The following EYS variants were observed in gnomAD, a reference collection of about 807,000 sequenced individuals.
EYS encodes the protein protein eyes shut homolog.
A neutral mutation model predicts 282.1 loss-of-function variants in EYS; 250 were observed. That is an observed-to-expected ratio of 0.89 (90% confidence interval 0.80 to 0.98). The LOEUF is 0.98. Among genes scored for constraint, EYS ranks in the 50% least tolerant of loss-of-function variants. The pLI, the probability that EYS is intolerant of heterozygous loss-of-function variation, is 0.00. For synonymous variants in EYS, 1,355 were observed against 1,282.9 expected (o/e 1.06, Z -1.20); for missense variants, 4,016 against 3,709.0 (o/e 1.08, Z -2.15).
intron 22 of EYS, among the ~76,000 whole-genome samples, chr6:64,659,092 C>T (rs543741448): frequency 7.4e-4 from 112 of 151,986 alleles, no homozygotes; most frequent in African/African-American, 2.2e-3. Flanking sequence ...CACTCAAAAC[C>T]GCTCAACTAC....
At chr6:64,351,822 C>G (rs923538651) in intron 29 of EYS, among the ~76,000 whole-genome samples, 1 of 151,396 alleles carries the variant, frequency 6.6e-6, no homozygotes, top group African/African-American at 2.4e-5. Context: ...ATATATATGA[C>G]ATATGGTGAT....
intron 35 of EYS, among the ~76,000 whole-genome samples, chr6:63,926,679 G>A (rs1351115340): frequency 6.6e-6 from 1 of 152,204 alleles, no homozygotes; most frequent in Admixed American, 6.5e-5. Flanking sequence ...CATTGTGGAT[G>A]TCTATGATAG....
chr6:65,677,392 T>A (rs1264617454), intron 1 of EYS, among the ~76,000 whole-genome samples: 1 of 151,846 alleles, frequency 6.6e-6, no homozygotes, highest in Non-Finnish European at 1.5e-5. Context: ...AAAATCAACA[T>A]ATAGAATCAG....
At chr6:64,550,714 A>G (rs1765047835) in intron 26 of EYS, among the ~76,000 whole-genome samples, 2 of 152,260 alleles carry the variant, frequency 1.3e-5, no homozygotes, top group East Asian at 1.9e-4. Context: ...AGAAAACCCC[A>G]TCGTCTCAGC....
intron 5 of EYS, among the ~76,000 whole-genome samples, chr6:65,475,804 G>C (rs369614126): frequency 6.6e-6 from 1 of 151,340 alleles, no homozygotes; most frequent in East Asian, 1.9e-4. Context: ...GAGAGAGAAA[G>C]AGAGACATTA....
rs76431472 is a variant in EYS, at chr6:65,184,536, A to G, written c.2023+111327T>C. ...GCATGATTCAAACAAATAAACAGCA[A>G]CAAACCGAGAACAAATATATAAATC... On this transcript the variant is annotated intron_variant, in intron 12 of 42. Transcript: ENST00000503581. Among the ~76,000 whole-genome samples, 975 of 152,018 alleles carry G rather than the reference A, an allele frequency of 6.4e-3. 12 individuals are homozygous for G. Among genetic ancestry groups the G allele is most frequent in the African/African-American group, 0.022 (916 of 41,536 alleles).
At chr6:63,833,916 A>G (rs967663474) in intron 36 of EYS, among the ~76,000 whole-genome samples, 3 of 152,210 alleles carry the variant, frequency 2.0e-5, no homozygotes, top group African/African-American at 4.8e-5. Context: ...CACGTCCACA[A>G]CCATCTGATC....
chr6:64,677,798 C>T (rs1769746628), intron 22 of EYS, among the ~76,000 whole-genome samples: 2 of 151,936 alleles, frequency 1.3e-5, no homozygotes, highest in South Asian at 4.2e-4. Flanking sequence ...TTTTTCACCT[C>T]ATCAAATCAA....
intron 12 of EYS, among the ~76,000 whole-genome samples, chr6:65,226,422 C>A (rs1766627838): frequency 6.6e-6 from 1 of 152,084 alleles, no homozygotes; most frequent in Non-Finnish European, 1.5e-5. Flanking sequence ...ATAATGGACT[C>A]ATTAACTCAA....
chr6:65,590,968 T>C (rs112302430), intron 2 of EYS, among the ~76,000 whole-genome samples: 6 of 152,160 alleles, frequency 3.9e-5, no homozygotes, highest in African/African-American at 1.4e-4. Flanking sequence ...ATCATATTTA[T>C]TTCATTTCCT....
intron 12 of EYS, among the ~76,000 whole-genome samples, chr6:65,076,171 T>A (rs570203250): frequency 6.6e-6 from 1 of 152,136 alleles, no homozygotes; most frequent in African/African-American, 2.4e-5. Context: ...AGAAAAAATG[T>A]CTAAAAATTT....
At chr6:64,408,660 C>T (rs1480630562) in intron 28 of EYS, among the ~76,000 whole-genome samples, 1 of 152,102 alleles carries the variant, frequency 6.6e-6, no homozygotes, top group East Asian at 1.9e-4. Flanking sequence ...ATTCATTCTC[C>T]TGTGAGAAGA....
chr6:64,358,716 G>C (rs1331417703), intron 29 of EYS, among the ~76,000 whole-genome samples: 1 of 151,634 alleles, frequency 6.6e-6, no homozygotes, highest in African/African-American at 2.4e-5. Flanking sequence ...GTCATGTTGA[G>C]TTGAGACAGT....
chr6:63,987,318 A>G (rs1361741718), intron 34 of EYS, among the ~76,000 whole-genome samples: 1 of 151,652 alleles, frequency 6.6e-6, no homozygotes, highest in Non-Finnish European at 1.5e-5. Context: ...GGTGAGATGT[A>G]CCACTGTCAA....
rs564160439 is a variant in EYS, at chr6:65,285,307, T to G, written c.2023+10556A>C. Reference sequence around the variant, plus strand: ...ATTTTTTTCTATTTTCCATGGAATTTAAATTAAAGACAATCAACTTTTCAT... The same window carrying G: ...ATTTTTTTCTATTTTCCATGGAATTGAAATTAAAGACAATCAACTTTTCAT... On this transcript the variant is annotated intron_variant, in intron 12 of 42. Transcript: ENST00000503581. Among the ~76,000 whole-genome samples the G allele has an allele frequency of 2.6e-5, 4 of 152,150 alleles. No homozygotes were observed. In the East Asian group the frequency reaches 7.7e-4, roughly 29 times the overall value.
chr6:64,653,931 A>G (rs7740202), intron 22 of EYS, among the ~76,000 whole-genome samples: 96,705 of 151,436 alleles, frequency 0.64, 31,069 homozygotes, highest in African/African-American at 0.71. Context: ...TGATAATCAC[A>G]AAAAGTAGAC....
chr6:65,111,845 TC>T (rs1009828339), intron 12 of EYS, among the ~76,000 whole-genome samples: 2 of 152,008 alleles, frequency 1.3e-5, no homozygotes, highest in Non-Finnish European at 2.9e-5. Flanking sequence ...GGACTCTATT[TC>T]CCCCCACCAA....
intron 5 of EYS, among the ~76,000 whole-genome samples, chr6:65,425,740 G>A (rs1365438752): frequency 2.0e-5 from 3 of 152,070 alleles, no homozygotes; most frequent in East Asian, 3.9e-4. Flanking sequence ...AGTTCATGGC[G>A]AGGGACCAGT....
chr6:64,165,553 C>A (rs1388074730), intron 31 of EYS, among the ~76,000 whole-genome samples: 1 of 152,060 alleles, frequency 6.6e-6, no homozygotes, highest in Admixed American at 6.6e-5. Flanking sequence ...TACATAATTA[C>A]AAAGACGAAG....
Sources: allele counts gnomAD v4.1 joint callset (sites outside exome capture counted in the v4.1 genomes callset), GRCh38; gene constraint gnomAD v4.1.1; transcripts MANE v1.5; gene names NCBI Gene and HGNC (gene_info 2026-07-23, HGNC 2026-07-21).